NTRK3: variants seen among roughly 807,000 people sequenced by gnomAD.
NTRK3 encodes the protein NT-3 growth factor receptor.
A neutral mutation model predicts 91.7 loss-of-function variants in NTRK3; 24 were observed. The ratio of observed to expected loss-of-function variants is 0.26; its 90% CI spans 0.19 to 0.37. NTRK3 has a LOEUF of 0.37. NTRK3 is among the 10% of genes least tolerant of loss of function. The pLI, the probability that NTRK3 is intolerant of heterozygous loss-of-function variation, is 1.00. For synonymous variants in NTRK3, 483 were observed against 404.0 expected, an observed-to-expected ratio of 1.20 and a Z score of -2.34; for missense variants, 880 against 1,068.9, an observed-to-expected ratio of 0.82 and a Z score of 2.46.
At chr15:88,015,395 A>T (rs915019892) in intron 14 of NTRK3, among the ~76,000 whole-genome samples, 1 of 151,088 alleles carries the variant, frequency 6.6e-6, no homozygotes, top group African/African-American at 2.4e-5. Context: ...CCCTGCCCCC[A>T]CCAAACCCTG....
At chr15:88,177,369 T>A (rs1366601638) in intron 5 of NTRK3, among the ~76,000 whole-genome samples, 1 of 152,168 alleles carries the variant, frequency 6.6e-6, no homozygotes, top group Non-Finnish European at 1.5e-5. Context: ...AGAAGGCTAC[T>A]GTCACAGTGT....
At chr15:87,866,417 A>T in exon 19 of NTRK3, 1 of 169,868 alleles carries the variant, frequency 5.9e-6, no homozygotes, top group Non-Finnish European at 1.3e-5. Context: ...ATACATTTAC[A>T]TATATATGTA....
At chr15:87,933,579 G>A (rs2068996788) in intron 15 of NTRK3, among the ~76,000 whole-genome samples, 1 of 152,262 alleles carries the variant, frequency 6.6e-6, no homozygotes, top group African/African-American at 2.4e-5. Context: ...TAAACAGTGT[G>A]AAAACCACTG....
At chr15:88,094,865 C>T (rs954738224) in intron 13 of NTRK3, among the ~76,000 whole-genome samples, 2 of 152,190 alleles carry the variant, frequency 1.3e-5, no homozygotes, top group East Asian at 1.9e-4. Context: ...ATTATTATTG[C>T]TTAAATTAAG....
chr15:87,912,480 A>T (rs1463515000), intron 17 of NTRK3, among the ~76,000 whole-genome samples: 1 of 152,114 alleles, frequency 6.6e-6, no homozygotes, highest in African/African-American at 2.4e-5. Flanking sequence ...CTTGTCTGTA[A>T]ATAGGGAGAA....
rs137977029 is a variant in NTRK3, at chr15:88,009,042, T to C, written c.1585+23815A>G. Among the ~76,000 whole-genome samples the C allele has an allele frequency of 2.2e-4, 34 of 152,278 alleles. No individual in the cohort carries two copies. In the East Asian group the frequency reaches 6.6e-3, roughly 29 times the overall value. On this transcript the variant is annotated intron_variant, in intron 14 of 18. Coordinates refer to ENST00000394480, the Ensembl canonical transcript of NTRK3. ...CTTTCTGCCTCCAGGGGACCTCTAGTTGAGAAGGAAGAGATCCCCAGTTGA... is the reference window on the plus strand; with the variant it reads ...CTTTCTGCCTCCAGGGGACCTCTAGCTGAGAAGGAAGAGATCCCCAGTTGA...
rs75006134 is a variant in NTRK3 at position 88,111,376 on chromosome 15, G to C, written c.1396+14895C>G. On this transcript the variant is annotated intron_variant, in intron 13 of 18. Transcript: ENST00000394480. ...GAAAGGGGTGGGAGAGTGGATTAAAGGGCCAGGACCAGGGCCAAAAAAGGC... is the reference window on the plus strand; with the variant it reads ...GAAAGGGGTGGGAGAGTGGATTAAACGGCCAGGACCAGGGCCAAAAAAGGC... Among the ~76,000 whole-genome samples, 122 of 152,328 alleles carry C rather than the reference G, an allele frequency of 8.0e-4. No individual in the cohort carries two copies. The East Asian group carries it at 0.02, about 25-fold the overall frequency.
chr15:87,861,862 G>A (rs2064534470), exon 19 of NTRK3: 1 of 209,934 alleles, frequency 4.8e-6, no homozygotes, highest in Non-Finnish European at 9.7e-6. Context: ...TCCTTCTAGA[G>A]ATGCCTGCTC....
chr15:88,051,894 C>T (rs1363901484), intron 13 of NTRK3, among the ~76,000 whole-genome samples: 3 of 152,206 alleles, frequency 2.0e-5, no homozygotes, highest in Non-Finnish European at 4.4e-5. Flanking sequence ...TAGGGGATCA[C>T]AGTTAGCCAA....
At chr15:88,185,389 T>C (rs1009915076) in intron 3 of NTRK3, among the ~76,000 whole-genome samples, 1 of 152,214 alleles carries the variant, frequency 6.6e-6, no homozygotes, top group Non-Finnish European at 1.5e-5. Flanking sequence ...GGGTTTATTG[T>C]TTTTGTATTG....
intron 5 of NTRK3, among the ~76,000 whole-genome samples, chr15:88,163,268 A>T (rs2044633319): frequency 6.6e-6 from 1 of 152,196 alleles, no homozygotes; most frequent in Non-Finnish European, 1.5e-5. Flanking sequence ...ATTTCCCAGC[A>T]TCCAGCAACC....
rs2078795273 is a variant in NTRK3 at position 88,033,558 on chromosome 15, A to C, written c.1397-513T>G. On this transcript the variant is annotated intron_variant, in intron 13 of 18. Coordinates refer to ENST00000394480, the Ensembl canonical transcript of NTRK3. ...ACTCCTGACCTCAAGTGATCCACCC[A>C]CCTCAGCCTCCCAAAGTGCTAGGAT... Among the ~76,000 whole-genome samples, 6 of 151,862 alleles carry C rather than the reference A, an allele frequency of 4.0e-5. No homozygotes were observed. The South Asian group carries it at 1.0e-3, about 26-fold the overall frequency.
At chr15:88,016,860 T>A (rs2077266617) in intron 14 of NTRK3, among the ~76,000 whole-genome samples, 1 of 151,666 alleles carries the variant, frequency 6.6e-6, no homozygotes, top group Admixed American at 6.6e-5. Context: ...CTGGGGATAT[T>A]TTTTTTTCTT....
At chr15:88,008,959 G>T (rs972883808) in intron 14 of NTRK3, among the ~76,000 whole-genome samples, 1 of 152,088 alleles carries the variant, frequency 6.6e-6, no homozygotes, top group African/African-American at 2.4e-5. Context: ...AAAAAATTAG[G>T]ACTGAAGAAG....
chr15:88,246,284 G>C (rs2052809949), intron 3 of NTRK3, among the ~76,000 whole-genome samples: 1 of 152,236 alleles, frequency 6.6e-6, no homozygotes, highest in Non-Finnish European at 1.5e-5. Context: ...GGTTTGCAAG[G>C]CACTTTCGTA....
chr15:87,925,666 T>C (rs1023266991), intron 17 of NTRK3: 1 of 194,628 alleles, frequency 5.1e-6, no homozygotes, highest in East Asian at 7.9e-5. Context: ...CGATGTATAC[T>C]GAACAAAAAA....
At chr15:87,971,247 A>G (rs1007076693) in intron 14 of NTRK3, among the ~76,000 whole-genome samples, 2 of 152,140 alleles carry the variant, frequency 1.3e-5, no homozygotes, top group African/African-American at 4.8e-5. Flanking sequence ...GGCCAGCTCT[A>G]TATCTGGCTC....
chr15:87,958,516 C>T (rs2071907032), intron 14 of NTRK3, among the ~76,000 whole-genome samples: 1 of 151,962 alleles, frequency 6.6e-6, no homozygotes, highest in Admixed American at 6.6e-5. Flanking sequence ...TGAATCTGAC[C>T]TTCCCCAGGG....
chr15:88,182,547 C>A (rs1162870093), intron 5 of NTRK3, among the ~76,000 whole-genome samples: 3 of 152,174 alleles, frequency 2.0e-5, no homozygotes, highest in Admixed American at 6.5e-5. Context: ...AGGCAATAGA[C>A]CCCTCCCCAC....
Sources: allele counts gnomAD v4.1 joint callset (sites outside exome capture counted in the v4.1 genomes callset), GRCh38; gene constraint gnomAD v4.1.1; transcripts MANE v1.5; gene names NCBI Gene and HGNC (gene_info 2026-07-23, HGNC 2026-07-21).